ARL2: variants seen among roughly 807,000 people sequenced by gnomAD.
The protein encoded by ARL2 is ARF like GTPase 2, also known as ADP-ribosylation factor-like protein 2.
Under a neutral mutation model 22.0 loss-of-function variants are expected in ARL2, and 11 were observed. The ratio of observed to expected loss-of-function variants is 0.50; its 90% CI spans 0.31 to 0.83. The LOEUF is 0.83. Ranked by LOEUF, ARL2 falls within the 40% of genes least tolerant of loss-of-function variation. ARL2 has a pLI of 0.04. For synonymous variants in ARL2, 111 were observed against 100.8 expected, an observed-to-expected ratio of 1.10 and a Z score of -0.61; for missense variants, 216 against 243.2, an observed-to-expected ratio of 0.89 and a Z score of 0.74.
intron 1 of ARL2, among the ~76,000 whole-genome samples, chr11:65,016,131 C>G (rs1047658750): frequency 3.3e-5 from 5 of 150,996 alleles, no homozygotes; most frequent in Non-Finnish European, 1.5e-5. Context: ...TGCCAGAACC[C>G]GGGAGGCGGA....
chr11:65,021,454 G>A (rs974666206), intron 4 of ARL2: 6 of 409,064 alleles, frequency 1.5e-5, no homozygotes, highest in Non-Finnish European at 2.2e-5. Flanking sequence ...CTCCTAGCAC[G>A]ATGCCCGGAT....
rs764114808 is a variant in ARL2, at chr11:65,018,329, G to A, written c.66-35G>A. On this transcript the variant is annotated intron_variant, in intron 1 of 4. Coordinates refer to ENST00000246747, the MANE Select transcript of ARL2 (RefSeq NM_001667.4). The surrounding 1 kb of genome is among the most constrained non-coding windows in gnomAD (Gnocchi z 4.2). The stretch of plus-strand genomic sequence containing the variant: ...TGCAACAATGTCACCACCTGGCAGA[G>A]AACAGGGACTTCTCCTTAACCTGCT... 1.5e-5 allele frequency: 23 copies of A among 1,547,020 alleles called. No individual in the cohort carries two copies. Among genetic ancestry groups the A allele is most frequent in the Non-Finnish European group, 2.0e-5 (23 of 1,138,382 alleles).
At chr11:65,017,276 A>G (rs1590729812) in intron 1 of ARL2, among the ~76,000 whole-genome samples, 1 of 148,488 alleles carries the variant, frequency 6.7e-6, no homozygotes, top group African/African-American at 2.5e-5. Context: ...GCTCATTGCA[A>G]CCTCTGCCTG....
rs897776010 is a variant in ARL2 at position 65,022,058 on chromosome 11, C to T, written c.*203C>T. On this transcript the variant is annotated 3_prime_UTR_variant, in exon 5 of 5. Transcript: ENST00000246747. ...CTGTGCCCTGGCTGTCTCTCTGGCT[C>T]CTGACCTGGCCTTTGGCTACCATAC... 2.9e-6 allele frequency: 2 copies of T among 700,578 alleles called. No individual in the cohort carries two copies. The highest frequency in any genetic ancestry group is 3.0e-5 in the Admixed American group (1 of 33,806). The allele number at this position is 700,578 out of a possible 1,614,324, so 43.4% of individuals were successfully genotyped here.
chr11:65,014,171 G>C lies in ARL2; in HGVS notation c.-37G>C. The stretch of plus-strand genomic sequence containing the variant: ...GAACCGGGAGCGGGGTCCCGGGACT[G>C]GGAAGAAACGGCGGCCGGGAGGGGG... On this transcript the variant is annotated 5_prime_UTR_variant, in exon 1 of 5. Coordinates refer to ENST00000246747, the MANE Select transcript of ARL2 (RefSeq NM_001667.4). 6.6e-7 allele frequency: 1 copy of C among 1,515,878 alleles called. No homozygotes were observed. Among genetic ancestry groups the C allele is most frequent in the Non-Finnish European group, 8.9e-7 (1 of 1,125,748 alleles). 93.9% of individuals were successfully genotyped at this position (1,515,878 alleles called of 1,614,324 possible).
At chr11:65,016,398 A>C (rs1429215093) in intron 1 of ARL2, among the ~76,000 whole-genome samples, 1 of 150,556 alleles carries the variant, frequency 6.6e-6, no homozygotes, top group Non-Finnish European at 1.5e-5. Context: ...TTGACTGGGA[A>C]CCCCCTCACC....
rs1190746030 is a variant in ARL2, at chr11:65,018,614, C to A, written c.220C>A (p.Arg74=). The change falls in exon 3 of 5, where the codon CGG becomes AGG. Residue 74 remains arginine, a synonymous_variant. Transcript: ENST00000246747. The surrounding 1 kb of genome is among the most constrained non-coding windows in gnomAD (Gnocchi z 4.2). ...IWDVGGQKSL[R]SYWRNYFEST... is the part of the protein sequence containing the mutation. ...GGATGTGGGTGGCCAGAAGTCCCTG[C>A]GGTCCTACTGGCGGAACTACTTTGA... The A allele has an allele frequency of 1.2e-6, 2 of 1,613,164 alleles. No individual in the cohort carries two copies. The highest frequency in any genetic ancestry group is 1.7e-6 in the Non-Finnish European group (2 of 1,179,580).
chr11:65,018,806 C>A lies in ARL2; in HGVS notation c.339+73C>A. ...TTCTCAGCAGATGCCCAGAGGGGCC[C>A]GTGGCCCCAGAGGGAAACCAGAGGC... is the stretch of plus-strand genomic sequence containing the variant. On this transcript the variant is annotated intron_variant, in intron 3 of 4. Coordinates refer to ENST00000246747, the MANE Select transcript of ARL2 (RefSeq NM_001667.4). This position sits in a 1 kb window ranked among gnomAD's most constrained non-coding sequence, Gnocchi z 4.2. 1 of 1,589,346 alleles carries A rather than the reference C, an allele frequency of 6.3e-7. No homozygotes were observed. The highest frequency in any genetic ancestry group is 2.3e-5 in the East Asian group (1 of 44,094).
chr11:65,017,775 G>A (rs1490902311), intron 1 of ARL2, among the ~76,000 whole-genome samples: 1 of 152,226 alleles, frequency 6.6e-6, no homozygotes, highest in South Asian at 2.1e-4. Flanking sequence ...AGATAGAGGA[G>A]GGTGGTTCCT....
At chr11:65,020,588 G>T (rs947805930) in intron 4 of ARL2, 89 bp downstream of exon 4, 2 of 1,355,914 alleles carry the variant, frequency 1.5e-6, no homozygotes, top group African/African-American at 2.9e-5. Flanking sequence ...AACCAAAAAG[G>T]CTGGGTGCAG....
rs773435992 is a variant in ARL2 at position 65,018,483 on chromosome 11, G to A, written c.176+9G>A. 1.9e-6 allele frequency: 3 copies of A among 1,605,114 alleles called. No individual in the cohort carries two copies. The highest frequency in any genetic ancestry group is 2.6e-6 in the Non-Finnish European group (3 of 1,176,104). On this transcript the variant is annotated intron_variant, in intron 2 of 4. Transcript: ENST00000246747. This position sits in a 1 kb window ranked among gnomAD's most constrained non-coding sequence, Gnocchi z 4.2. ...ACCCTGGAGCACCGAGGGTGAGCAGGGGCCCCATGGGAGGGCCAGCCCAGA... is the reference window on the plus strand; with the variant it reads ...ACCCTGGAGCACCGAGGGTGAGCAGAGGCCCCATGGGAGGGCCAGCCCAGA...
Position 65,018,929 on chromosome 11 carries a change from T to C in ARL2, c.339+196T>C. The C allele has an allele frequency of 6.5e-7, 1 of 1,527,938 alleles. No homozygotes were observed. The highest frequency in any genetic ancestry group is 8.8e-7 in the Non-Finnish European group (1 of 1,142,372). The allele number at this position is 1,527,938 out of a possible 1,614,324, so 94.6% of individuals were successfully genotyped here. A position where few individuals can be genotyped will look rare whatever the true frequency, so the allele number is the denominator to read the frequency against. Reference sequence around the variant, plus strand: ...TGAGATTGAGTTAACGTCCCTGTGGTGTTACTACGTCACTACCCTGAGCAT... The same window carrying C: ...TGAGATTGAGTTAACGTCCCTGTGGCGTTACTACGTCACTACCCTGAGCAT... On this transcript the variant is annotated intron_variant, in intron 3 of 4. Transcript: ENST00000246747. This position sits in a 1 kb window ranked among gnomAD's most constrained non-coding sequence, Gnocchi z 4.2.
At chr11:65,020,240 C>T (rs574196860) in intron 3 of ARL2, among the ~76,000 whole-genome samples, 179 bp from the exon 4 acceptor site, 77 of 152,300 alleles carry the variant, frequency 5.1e-4, no homozygotes, top group South Asian at 1.2e-3. Flanking sequence ...CTGCTCCATT[C>T]ATGTGGGCCA....
Position 65,018,824 on chromosome 11 carries a change from C to T in ARL2, c.339+91C>T. The T allele has an allele frequency of 6.4e-7, 1 of 1,566,898 alleles. No individual in the cohort carries two copies. Among genetic ancestry groups the T allele is most frequent in the South Asian group, 1.2e-5 (1 of 86,430 alleles). On this transcript the variant is annotated intron_variant, in intron 3 of 4. Coordinates refer to ENST00000246747, the MANE Select transcript of ARL2 (RefSeq NM_001667.4). This position sits in a 1 kb window ranked among gnomAD's most constrained non-coding sequence, Gnocchi z 4.2. ...AGGGGCCCGTGGCCCCAGAGGGAAA[C>T]CAGAGGCAGGATCCCTTCCTTCTCT...
rs1946283081 is a variant in ARL2, at chr11:65,018,329, G to GGTGT, written c.66-35_66-34insGTGT. ...TGCAACAATGTCACCACCTGGCAGAGAACAGGGACTTCTCCTTAACCTGCT... is the reference window on the plus strand; with the variant it reads ...TGCAACAATGTCACCACCTGGCAGAGGTGTAACAGGGACTTCTCCTTAACCTGCT... On this transcript the variant is annotated intron_variant, in intron 1 of 4. Transcript: ENST00000246747. The surrounding 1 kb of genome is among the most constrained non-coding windows in gnomAD (Gnocchi z 4.2). The GGTGT allele has an allele frequency of 6.5e-7, 1 of 1,547,020 alleles. No homozygotes were observed. The highest frequency in any genetic ancestry group is 1.4e-5 in the African/African-American group (1 of 73,962).
chr11:65,020,737 C>T (rs1258595786), intron 4 of ARL2, among the ~76,000 whole-genome samples: 6 of 152,136 alleles, frequency 3.9e-5, no homozygotes, highest in Non-Finnish European at 8.8e-5. Flanking sequence ...GGTGCAGTGG[C>T]GTGCGCCTGT....
In ARL2 at chr11:65,017,321, G is replaced by C. The variant is rs754161402; in HGVS notation, c.66-1043G>C. Among the ~76,000 whole-genome samples, 5 of 151,450 alleles carry C rather than the reference G, an allele frequency of 3.3e-5. No individual in the cohort carries two copies. In the South Asian group the frequency reaches 1.0e-3, roughly 32 times the overall value. ...AGCAATTCTCCTGTCTCAGCCTCCC[G>C]AGTAGCTGGGACTATAGGGGCCCGC... On this transcript the variant is annotated intron_variant, in intron 1 of 4. Transcript: ENST00000246747.
intron 1 of ARL2, among the ~76,000 whole-genome samples, chr11:65,016,392 C>T (rs992544216): frequency 6.6e-6 from 1 of 151,664 alleles, no homozygotes; most frequent in African/African-American, 2.4e-5. Flanking sequence ...GGAGCGTTGA[C>T]TGGGAACCCC....
At position 65,022,084 on chromosome 11, in the gene ARL2, C is replaced by A; in HGVS notation, c.*229C>A. Reference sequence around the variant, plus strand: ...CTGACCTGGCCTTTGGCTACCATACCAAGAAGAGAGGGCTGGGCGGGGAGG... The same window carrying A: ...CTGACCTGGCCTTTGGCTACCATACAAAGAAGAGAGGGCTGGGCGGGGAGG... On this transcript the variant is annotated 3_prime_UTR_variant, in exon 5 of 5. Transcript: ENST00000246747. 1 of 584,024 alleles carries A rather than the reference C, an allele frequency of 1.7e-6. No homozygotes were observed. Among genetic ancestry groups the A allele is most frequent in the Non-Finnish European group, 3.0e-6 (1 of 337,186 alleles). The allele number at this position is 584,024 out of a possible 1,614,324, so 36.2% of individuals were successfully genotyped here.
Sources: allele counts gnomAD v4.1 joint callset (sites outside exome capture counted in the v4.1 genomes callset), GRCh38; gene constraint gnomAD v4.1.1; non-coding constraint Gnocchi (gnomAD v3.1); transcripts MANE v1.5; gene names NCBI Gene and HGNC (gene_info 2026-07-23, HGNC 2026-07-21).